Variants in ARHGAP23 observed in about 807,000 individuals in gnomAD.
ARHGAP23 encodes Rho GTPase activating protein 23.
Under a neutral mutation model 136.3 loss-of-function variants are expected in ARHGAP23, and 34 were observed. That is an observed-to-expected ratio of 0.25 (90% CI 0.19 to 0.33). ARHGAP23 has a LOEUF of 0.33. Among genes scored for constraint, ARHGAP23 ranks in the 10% least tolerant of loss-of-function variants. The pLI, the probability that ARHGAP23 is intolerant of heterozygous loss-of-function variation, is 1.00. For missense variants in ARHGAP23, 1,808 were observed against 2,139.0 expected, an observed-to-expected ratio of 0.85 and a Z score of 3.05; for synonymous variants, 832 against 920.5, an observed-to-expected ratio of 0.90 and a Z score of 1.74.
chr17:38,506,581 C>A (rs1278991934), intron 23 of ARHGAP23, among the ~76,000 whole-genome samples: 1 of 152,180 alleles, frequency 6.6e-6, no homozygotes, highest in African/African-American at 2.4e-5. Flanking sequence ...GGGTTCCCTG[C>A]CTGTCTTGTA....
Position 38,511,587 on chromosome 17 carries a change from C to G in ARHGAP23, c.*615C>G, listed in dbSNP as rs1177599870. The G allele has an allele frequency of 6.6e-6, 1 of 152,216 alleles. No homozygotes were observed. The highest frequency in any genetic ancestry group is 2.4e-5 in the African/African-American group (1 of 41,350). 9.4% of individuals were successfully genotyped at this position (152,216 alleles called of 1,614,324 possible). The stretch of plus-strand genomic sequence containing the variant: ...GCCTTTGGTGCACACAGGATCCTGC[C>G]CGCCCCCCTTGCCAGAGCCAGAGAA... On this transcript the variant is annotated 3_prime_UTR_variant, in exon 24 of 24. Transcript: ENST00000622683.
intron 1 of ARHGAP23, among the ~76,000 whole-genome samples, chr17:38,449,439 C>G (rs529868632): frequency 6.6e-6 from 1 of 152,186 alleles, no homozygotes; most frequent in Non-Finnish European, 1.5e-5. Flanking sequence ...CTTGCTTGGC[C>G]GGCTCATCAA....
Position 38,498,322 on chromosome 17 carries a change from G to A in ARHGAP23, c.3319-92G>A, listed in dbSNP as rs2040437993. ...CCAGTGAGCCCGGTCTGATGGAGGA[G>A]ACATGGGCTCTGTCATCAGGGCACC... is the stretch of plus-strand genomic sequence containing the variant. On this transcript the variant is annotated intron_variant, in intron 21 of 23. Coordinates refer to ENST00000622683, the MANE Select transcript of ARHGAP23 (RefSeq NM_001199417.2). 27 of 975,768 alleles carry A rather than the reference G, an allele frequency of 2.8e-5. 2 individuals carry two copies. In the South Asian group the frequency reaches 4.2e-4, roughly 15 times the overall value. 60.4% of individuals were successfully genotyped at this position (975,768 alleles called of 1,614,324 possible). A position where few individuals can be genotyped will look rare whatever the true frequency, so the allele number is the denominator to read the frequency against.
At chr17:38,474,764 G>GA (rs367574959) in intron 11 of ARHGAP23, among the ~76,000 whole-genome samples, 1 of 152,100 alleles carries the variant, frequency 6.6e-6, no homozygotes, top group Admixed American at 6.5e-5. Flanking sequence ...AAGTGGGGGG[G>GA]CCGGGGAGGC....
In ARHGAP23 at chr17:38,471,898, C is replaced by T. The variant is rs759544950; in HGVS notation, c.2010C>T (p.Asp670=). The T allele has an allele frequency of 2.7e-5, 42 of 1,548,866 alleles. No individual in the cohort carries two copies. In the South Asian group the frequency reaches 3.5e-4, roughly 13 times the overall value. ...GCTGGGGCACCTCTGAAGATGCTGA[C>T]GCTCCTTCTAAGCGACACTCAACCT... ...LDSWGTSEDA[D]APSKRHSTSD... Residue 670 remains aspartate, a synonymous_variant, in exon 11 of 24, where the codon GAC becomes GAT. Coordinates refer to ENST00000622683, the MANE Select transcript of ARHGAP23 (RefSeq NM_001199417.2).
upstream of ARHGAP23, among the ~76,000 whole-genome samples, chr17:38,425,105 G>A (rs548174202): frequency 1.3e-5 from 2 of 152,218 alleles, no homozygotes; most frequent in East Asian, 1.9e-4. Flanking sequence ...ATGGCACATC[G>A]CTGCTTCAGC....
chr17:38,476,470 T>C (rs2039893471), intron 11 of ARHGAP23, among the ~76,000 whole-genome samples: 1 of 151,872 alleles, frequency 6.6e-6, no homozygotes, highest in African/African-American at 2.4e-5. Context: ...AGAAGGGGTT[T>C]GATGGTAAGA....
intron 4 of ARHGAP23, 80 bp from the exon 5 acceptor site, chr17:38,463,038 T>C: frequency 6.5e-7 from 1 of 1,534,656 alleles, no homozygotes; most frequent in Non-Finnish European, 8.8e-7. Flanking sequence ...CCCCACAGTG[T>C]TAGCCATGCC....
intron 13 of ARHGAP23, 79 bp downstream of exon 13, chr17:38,479,576 A>G: frequency 3.4e-6 from 5 of 1,481,744 alleles, no homozygotes; most frequent in Non-Finnish European, 4.6e-6. Context: ...TTCCTGGCCC[A>G]CCTCCAGGGC....
upstream of ARHGAP23, chr17:38,428,395 C>A (rs11871184): frequency 0.19 from 92,713 of 491,648 alleles, 10,156 homozygotes; most frequent in East Asian, 0.36. Flanking sequence ...CCCCCCACAC[C>A]GCGCTCGGCC....
At chr17:38,475,251 C>T (rs577227329) in intron 11 of ARHGAP23, among the ~76,000 whole-genome samples, 9 of 152,352 alleles carry the variant, frequency 5.9e-5, no homozygotes, top group South Asian at 4.1e-4. Flanking sequence ...GACTTGTCCC[C>T]GCAGCCTCAG....
At chr17:38,470,226 G>A (rs533134351) in intron 10 of ARHGAP23, among the ~76,000 whole-genome samples, 10 of 152,240 alleles carry the variant, frequency 6.6e-5, no homozygotes, top group African/African-American at 1.7e-4. Context: ...TCCAGCCTCC[G>A]CTCCTGACAT....
At chr17:38,427,655 C>T (rs2038589091), upstream of ARHGAP23, among the ~76,000 whole-genome samples, 1 of 152,168 alleles carries the variant, frequency 6.6e-6, no homozygotes. Context: ...TCTGCTGTCA[C>T]TGCTGTTCAC....
At chr17:38,436,515 G>A (rs1477899783) in intron 1 of ARHGAP23, among the ~76,000 whole-genome samples, 1 of 152,226 alleles carries the variant, frequency 6.6e-6, no homozygotes, top group South Asian at 2.1e-4. Context: ...CCAGTGGGCT[G>A]GAGCCGAATC....
chr17:38,437,843 A>G (rs2038833871), intron 1 of ARHGAP23, among the ~76,000 whole-genome samples: 1 of 151,916 alleles, frequency 6.6e-6, no homozygotes, highest in East Asian at 1.9e-4. Flanking sequence ...AGAGATGTAG[A>G]TTAAGTTCTG....
chr17:38,424,880 G>A (rs79308291), upstream of ARHGAP23, among the ~76,000 whole-genome samples: 275 of 152,252 alleles, frequency 1.8e-3, no homozygotes, highest in African/African-American at 6.1e-3. Context: ...AAAGGACTTC[G>A]TGCCTGGCTT....
intron 10 of ARHGAP23, among the ~76,000 whole-genome samples, chr17:38,470,539 G>A (rs1366731570): frequency 6.6e-6 from 1 of 152,186 alleles, no homozygotes; most frequent in Non-Finnish European, 1.5e-5. Context: ...GATAGCCCTG[G>A]CTGTTTGTTT....
Position 38,482,603 on chromosome 17 carries a change from C to T in ARHGAP23, c.2832C>T (p.Pro944=), listed in dbSNP as rs563928244. The change falls in exon 16 of 24, where the codon CCC becomes CCT. Residue 944 remains proline, a synonymous_variant. Transcript: ENST00000622683. ...AGTCCACAGGCATTTACCGAGTGCC[C>T]GGCAACAATGCAGTGGTGTCCAGCC... ...GLESTGIYRV[P]GNNAVVSSLQ... 14 of 1,550,106 alleles carry T rather than the reference C, an allele frequency of 9.0e-6. No homozygotes were observed. The African/African-American group carries it at 1.1e-4, about 12-fold the overall frequency.
intron 3 of ARHGAP23, 23 bp downstream of exon 3, chr17:38,460,955 T>A: frequency 6.5e-7 from 1 of 1,535,768 alleles, no homozygotes. Context: ...TGGCGGGCGC[T>A]GGACCTGCAC....
Sources: allele counts gnomAD v4.1 joint callset (sites outside exome capture counted in the v4.1 genomes callset), GRCh38; gene constraint gnomAD v4.1.1; transcripts MANE v1.5; gene names NCBI Gene and HGNC (gene_info 2026-07-23, HGNC 2026-07-21).